The following SEMA5A variants were observed in gnomAD, a reference collection of about 807,000 sequenced individuals.
SEMA5A encodes the protein semaphorin 5A.
A neutral mutation model predicts 135.5 loss-of-function variants in SEMA5A; 55 were observed. That is an observed-to-expected ratio of 0.41 (90% CI 0.33 to 0.51). The LOEUF (loss-of-function observed/expected upper bound fraction) is 0.51, where lower values mean the gene tolerates loss of function less well. Ranked by LOEUF, SEMA5A falls within the 20% of genes least tolerant of loss-of-function variation. The pLI, the probability that SEMA5A is intolerant of heterozygous loss-of-function variation, is 0.37. For missense variants in SEMA5A, 1,290 were observed against 1,419.9 expected (o/e 0.91, Z 1.47); for synonymous variants, 580 against 546.5 (o/e 1.06, Z -0.85).
rs1736636195 is a variant in SEMA5A, at chr5:9,052,436, C to T, written c.2690-408G>A. Among the ~76,000 whole-genome samples the T allele has an allele frequency of 2.0e-5, 3 of 152,126 alleles. No individual in the cohort carries two copies. In the South Asian group the frequency reaches 6.2e-4, roughly 32 times the overall value. ...CCCCTCAAAGAAACTCAAATGCTTT[C>T]CTGAAACATTCCTGAAAATTCTCCA... On this transcript the variant is annotated intron_variant, in intron 19 of 22. Transcript: ENST00000382496.
intron 1 of SEMA5A, chr5:9,511,395 C>A (rs1230757330): frequency 6.6e-6 from 1 of 152,180 alleles, no homozygotes; most frequent in Admixed American, 6.5e-5. Flanking sequence ...ATGTTTTCAT[C>A]TGGCTAATTC....
chr5:9,325,459 G>A (rs369912134), intron 4 of SEMA5A, among the ~76,000 whole-genome samples: 2 of 152,030 alleles, frequency 1.3e-5, no homozygotes, highest in East Asian at 1.9e-4. Context: ...CGTTTTCTAC[G>A]TCTTCACCAA....
rs543158314 is a variant in SEMA5A, at chr5:9,507,304, T to C, written c.-175+38280A>G. Among the ~76,000 whole-genome samples the C allele has an allele frequency of 2.0e-5, 3 of 152,294 alleles. No individual in the cohort carries two copies. In the South Asian group the frequency reaches 6.2e-4, roughly 32 times the overall value. ...TGGTGCAGATTTACATGTTAACTAG[T>C]TCCTCAGAGAGAGGGGATGTGAGCA... On this transcript the variant is annotated intron_variant, in intron 1 of 22. Transcript: ENST00000382496.
chr5:9,117,608 C>G (rs75466769), intron 15 of SEMA5A, among the ~76,000 whole-genome samples: 2 of 152,028 alleles, frequency 1.3e-5, no homozygotes, highest in African/African-American at 4.8e-5. Flanking sequence ...TGCATTTTGA[C>G]GGCAAAAGTC....
intron 15 of SEMA5A, among the ~76,000 whole-genome samples, chr5:9,113,490 G>A (rs535393891): frequency 3.9e-5 from 6 of 152,250 alleles, no homozygotes; most frequent in East Asian, 3.9e-4. Flanking sequence ...AATTTGTGAC[G>A]TGATGCATGT....
intron 2 of SEMA5A, among the ~76,000 whole-genome samples, chr5:9,413,564 T>C (rs1757178231): frequency 1.3e-5 from 2 of 152,108 alleles, no homozygotes; most frequent in African/African-American, 4.8e-5. Context: ...ATAGTATTAA[T>C]TGAAAAGAAT....
intron 16 of SEMA5A, among the ~76,000 whole-genome samples, chr5:9,093,197 C>T (rs1024728203): frequency 1.3e-5 from 2 of 152,136 alleles, no homozygotes; most frequent in Non-Finnish European, 2.9e-5. Flanking sequence ...AATATGGCTA[C>T]ATACATATAT....
chr5:9,452,146 G>C (rs1343440330), intron 1 of SEMA5A, among the ~76,000 whole-genome samples: 1 of 152,132 alleles, frequency 6.6e-6, no homozygotes, highest in Non-Finnish European at 1.5e-5. Flanking sequence ...CTAATGCTGA[G>C]GACAGACCAT....
chr5:9,415,835 A>T (rs923854003), intron 2 of SEMA5A, among the ~76,000 whole-genome samples: 9 of 152,214 alleles, frequency 5.9e-5, no homozygotes, highest in Admixed American at 3.9e-4. Context: ...CTGCAGTGCT[A>T]GAGCTGGCAT....
chr5:9,407,266 C>T (rs753708357), intron 2 of SEMA5A, among the ~76,000 whole-genome samples: 2 of 152,140 alleles, frequency 1.3e-5, no homozygotes, highest in Non-Finnish European at 2.9e-5. Context: ...GAGAGAATAT[C>T]GTGATTTTAT....
chr5:9,437,304 A>T (rs1049831540), intron 2 of SEMA5A, among the ~76,000 whole-genome samples: 1 of 151,968 alleles, frequency 6.6e-6, no homozygotes, highest in Admixed American at 6.6e-5. Flanking sequence ...AGATTTCTCT[A>T]TCTGAAAGCT....
rs1023866745 is a variant in SEMA5A at position 9,391,217 on chromosome 5, A to T, written c.-77-11194T>A. On this transcript the variant is annotated intron_variant, in intron 2 of 22. Transcript: ENST00000382496. ...TAAGTAACTAGCTGCAGCATCATTCACTGACCCTGGGACCAGAGACCTCAC... is the reference window on the plus strand; with the variant it reads ...TAAGTAACTAGCTGCAGCATCATTCTCTGACCCTGGGACCAGAGACCTCAC... Among the ~76,000 whole-genome samples, 197 of 152,202 alleles carry T rather than the reference A, an allele frequency of 1.3e-3. 5 individuals are homozygous for T. Among genetic ancestry groups the T allele is most frequent in the Admixed American group, 0.013 (197 of 15,280 alleles).
intron 12 of SEMA5A, among the ~76,000 whole-genome samples, chr5:9,154,125 ATGTG>A (rs201787474): frequency 7.9e-6 from 1 of 126,556 alleles, no homozygotes; most frequent in Non-Finnish European, 1.6e-5. Flanking sequence ...GTATGTATGT[ATGTG>A]TGTGTGTGTA....
At chr5:9,279,793 T>G (rs1561101878) in intron 5 of SEMA5A, among the ~76,000 whole-genome samples, 4 of 152,160 alleles carry the variant, frequency 2.6e-5, no homozygotes. Flanking sequence ...TTGCTTTCCC[T>G]TTGCCTTTTG....
At chr5:9,320,660 G>A (rs1018849223) in intron 4 of SEMA5A, among the ~76,000 whole-genome samples, 1 of 152,234 alleles carries the variant, frequency 6.6e-6, no homozygotes, top group African/African-American at 2.4e-5. Context: ...CAAGGCTCCA[G>A]TGAGCCACGA....
chr5:9,454,779 G>A (rs1396904495), intron 1 of SEMA5A, among the ~76,000 whole-genome samples: 2 of 152,176 alleles, frequency 1.3e-5, no homozygotes, highest in Non-Finnish European at 2.9e-5. Context: ...CTTTTGGAAT[G>A]GAATTGGTTT....
At chr5:9,170,823 C>T (rs1743878456) in intron 11 of SEMA5A, among the ~76,000 whole-genome samples, 1 of 152,158 alleles carries the variant, frequency 6.6e-6, no homozygotes, top group Non-Finnish European at 1.5e-5. Context: ...AGGACCAAGA[C>T]AAGTATATGA....
rs1332064596 is a variant in SEMA5A, at chr5:9,122,704, C to T, written c.1733G>A (p.Gly578Asp). Reference sequence around the variant, plus strand: ...GCCAGGGCCCTCGCACTGCCAGCCACCACACTGCGGGGCCGGGCTGTCGCA... The same window carrying T: ...GCCAGGGCCCTCGCACTGCCAGCCATCACACTGCGGGGCCGGGCTGTCGCA... ...RSCDSPAPQC[G>D]GWQCEGPGME... The change falls in exon 14 of 23, where the codon GGT becomes GAT. Residue 578 changes from glycine (G) to aspartate (D), a missense_variant. By Grantham distance (94) the Gly-to-Asp change is moderately conservative. Coordinates refer to ENST00000382496, the MANE Select transcript of SEMA5A (RefSeq NM_003966.3). 4 of 1,612,666 alleles carry T rather than the reference C, an allele frequency of 2.5e-6. No homozygotes were observed. The East Asian group carries it at 6.7e-5, about 27-fold the overall frequency.
At chr5:9,439,267 C>T (rs184125984) in intron 1 of SEMA5A, among the ~76,000 whole-genome samples, 94 of 152,324 alleles carry the variant, frequency 6.2e-4, no homozygotes, top group African/African-American at 2.0e-3. Flanking sequence ...ATTTCTTTTA[C>T]ACAACATCAC....
Sources: gnomAD v4.1 joint callset for allele counts (sites outside exome capture counted in the v4.1 genomes callset) on GRCh38, gnomAD v4.1.1 for gene constraint, MANE v1.5 for transcripts, NCBI Gene and HGNC (gene_info 2026-07-23, HGNC 2026-07-21) for gene names.